TRIM9: variants seen among roughly 807,000 people sequenced by gnomAD.
TRIM9 encodes E3 ubiquitin-protein ligase TRIM9.
A neutral mutation model predicts 78.3 loss-of-function variants in TRIM9; 26 were observed. That is an observed-to-expected ratio of 0.33 (90% CI 0.24 to 0.46). The LOEUF is 0.46. Among genes scored for constraint, TRIM9 ranks in the 20% least tolerant of loss-of-function variants. TRIM9 has a pLI of 1.00. For missense variants in TRIM9, 787 were observed against 1,036.4 expected (o/e 0.76, Z 3.30); for synonymous variants, 398 against 416.5 (o/e 0.96, Z 0.54).
At chr14:51,035,886 T>C (rs2059103354) in intron 1 of TRIM9, among the ~76,000 whole-genome samples, 1 of 152,252 alleles carries the variant, frequency 6.6e-6, no homozygotes. Flanking sequence ...GCACATAAAA[T>C]GGTTTAGAAT....
chr14:51,084,868 A>C (rs28687451), intron 1 of TRIM9, among the ~76,000 whole-genome samples: 21,817 of 152,164 alleles, frequency 0.14, 1,844 homozygotes, highest in Admixed American at 0.26. Flanking sequence ...TCATAGAGTA[A>C]TTTGGCTTTG....
intron 7 of TRIM9, among the ~76,000 whole-genome samples, chr14:50,994,893 G>A (rs1008640862): frequency 1.3e-5 from 2 of 152,214 alleles, no homozygotes; most frequent in African/African-American, 4.8e-5. Flanking sequence ...TTAAGTCAGT[G>A]TAATTTGGTT....
chr14:51,023,388 C>A lies in TRIM9; in HGVS notation c.919-431G>T, dbSNP rs189324168. Among the ~76,000 whole-genome samples, 20 of 152,250 alleles carry A rather than the reference C, an allele frequency of 1.3e-4. No individual in the cohort carries two copies. The East Asian group carries it at 3.9e-3, about 29-fold the overall frequency. ...AAGGAATAAAGAAGAAAAAGGATGG[C>A]ACTGGTCTTCAATATTAACAATAAT... On this transcript the variant is annotated intron_variant, in intron 2 of 12. Coordinates refer to ENST00000684578, the MANE Select transcript of TRIM9 (RefSeq NM_001387360.1).
At chr14:50,997,846 C>G in intron 7 of TRIM9, 1 of 1,399,300 alleles carries the variant, frequency 7.1e-7, no homozygotes, top group Admixed American at 2.9e-5. Context: ...TTGGAACTGC[C>G]GATGTGGAAT....
chr14:50,992,472 C>A (rs1038756178), intron 7 of TRIM9, among the ~76,000 whole-genome samples: 2 of 151,396 alleles, frequency 1.3e-5, no homozygotes, highest in South Asian at 4.2e-4. Context: ...ACTAGGGAGG[C>A]TGAGGCAGGA....
At chr14:51,088,646 G>GT (rs1242086040) in intron 1 of TRIM9, among the ~76,000 whole-genome samples, 3 of 148,290 alleles carry the variant, frequency 2.0e-5, no homozygotes, top group African/African-American at 7.5e-5. Flanking sequence ...TTTCGAGTTG[G>GT]TAAAAAAAAA....
At chr14:51,086,037 T>G (rs1042428992) in intron 1 of TRIM9, among the ~76,000 whole-genome samples, 2 of 152,250 alleles carry the variant, frequency 1.3e-5, no homozygotes, top group African/African-American at 2.4e-5. Context: ...TTTTCTAAAT[T>G]TATTTTGTCA....
At chr14:50,997,000 GA>G (rs1172894329) in intron 7 of TRIM9, 3 of 984,764 alleles carry the variant, frequency 3.0e-6, no homozygotes, top group African/African-American at 1.8e-5. Context: ...TGGGAAGTGG[GA>G]AAAAAAACAC....
chr14:51,044,775 T>C (rs1044386847), intron 1 of TRIM9, among the ~76,000 whole-genome samples: 1 of 152,178 alleles, frequency 6.6e-6, no homozygotes, highest in African/African-American at 2.4e-5. Flanking sequence ...CTAATCTAAC[T>C]TGTACAAGAG....
intron 1 of TRIM9, among the ~76,000 whole-genome samples, chr14:51,092,383 T>C (rs1047346804): frequency 6.6e-6 from 1 of 152,234 alleles, no homozygotes; most frequent in Non-Finnish European, 1.5e-5. Flanking sequence ...CTTTCACTGA[T>C]TGCTGAAAAT....
chr14:51,022,910 G>T lies in TRIM9; in HGVS notation c.966C>A (p.Ala322=), dbSNP rs1192593831. The T allele has an allele frequency of 6.2e-7, 1 of 1,613,972 alleles. No individual in the cohort carries two copies. The highest frequency in any genetic ancestry group is 1.3e-5 in the African/African-American group (1 of 74,884). ...TTCTTCTGTTGAGGGCATCGATGAG[G>T]GCATCACATTGGGCCACCAGACAGG... is the stretch of plus-strand genomic sequence containing the variant. ...FEACLVAQCD[A]LIDALNRRKA... is the part of the protein sequence containing the mutation. Residue 322 remains alanine (A), a synonymous_variant, in exon 3 of 13, where the codon GCC becomes GCA. Transcript: ENST00000684578.
At chr14:51,027,251 C>A (rs900989150) in intron 1 of TRIM9, among the ~76,000 whole-genome samples, 2 of 148,720 alleles carry the variant, frequency 1.3e-5, no homozygotes, top group African/African-American at 5.0e-5. Flanking sequence ...TCAAGCGATT[C>A]TCCTGCCTCA....
intron 2 of TRIM9, among the ~76,000 whole-genome samples, 169 bp from the exon 3 acceptor site, chr14:51,023,126 T>C (rs2057915848): frequency 1.3e-5 from 2 of 152,268 alleles, no homozygotes; most frequent in African/African-American, 4.8e-5. Context: ...ACAGTGGTCA[T>C]GTTTTGCTTT....
At chr14:51,029,363 G>A (rs1264455235) in intron 1 of TRIM9, among the ~76,000 whole-genome samples, 2 of 152,098 alleles carry the variant, frequency 1.3e-5, no homozygotes, top group Non-Finnish European at 2.9e-5. Flanking sequence ...GCACCTTCTG[G>A]TGCTGTATCA....
intron 4 of TRIM9, among the ~76,000 whole-genome samples, chr14:51,010,169 C>A (rs2056395725): frequency 6.6e-6 from 1 of 151,714 alleles, no homozygotes; most frequent in South Asian, 2.1e-4. Flanking sequence ...AGCCCATGGA[C>A]CTCTCAGACT....
chr14:50,997,060 A>T lies in TRIM9; in HGVS notation c.1603+990T>A, dbSNP rs1457446501. The T allele has an allele frequency of 3.0e-6, 3 of 985,328 alleles. No homozygotes were observed. The African/African-American group carries it at 5.2e-5, about 17-fold the overall frequency. 61.0% of individuals were successfully genotyped at this position (985,328 alleles called of 1,614,324 possible). ...TCTTGAACTTGAACAAAATCAACAT[A>T]ATTAGTTCTGCAGAGGGAAGTTATG... On this transcript the variant is annotated intron_variant, in intron 7 of 12. Transcript: ENST00000684578.
intron 1 of TRIM9, among the ~76,000 whole-genome samples, chr14:51,078,355 A>G (rs1360650542): frequency 6.6e-6 from 1 of 152,250 alleles, no homozygotes; most frequent in African/African-American, 2.4e-5. Flanking sequence ...ATTTTATAGT[A>G]ACCTTTTCAG....
chr14:50,981,764 A>G, intron 11 of TRIM9, 36 bp downstream of exon 11: 1 of 1,611,100 alleles, frequency 6.2e-7, no homozygotes, highest in South Asian at 1.1e-5. Context: ...TCAGAAGCCA[A>G]CGTGAAGAAG....
rs1468252238 is a variant in TRIM9, at chr14:51,000,778, T to A, written c.1369A>T (p.Ser457Cys). 1 of 1,614,120 alleles carries A rather than the reference T, an allele frequency of 6.2e-7. No homozygotes were observed. Among genetic ancestry groups the A allele is most frequent in the Non-Finnish European group, 8.5e-7 (1 of 1,180,036 alleles). Residue 457 changes from serine to cysteine, a missense_variant, in exon 6 of 13, where the codon AGC becomes TGC. Physicochemically the swap from Ser to Cys is moderately radical, Grantham distance 112. This residue lies in a region of TRIM9 where 421 missense variants were observed against 514.3 expected (regional missense o/e 0.82). Coordinates refer to ENST00000684578, the MANE Select transcript of TRIM9 (RefSeq NM_001387360.1). ...GGCTGTTTCCAGGACAACGTAGCGC[T>A]GTTGTTGTGGGTACAACATTCCTCC... ...QLEECCTHNNSATLSWKQPPL... is the reference protein window; with the variant it reads ...QLEECCTHNNCATLSWKQPPL...
Sources: gnomAD v4.1 joint callset for allele counts (sites outside exome capture counted in the v4.1 genomes callset) on GRCh38, gnomAD v4.1.1 for gene constraint, gnomAD v4.1.1 regional missense constraint, MANE v1.5 for transcripts, NCBI Gene and HGNC (gene_info 2026-07-23, HGNC 2026-07-21) for gene names.